Variants in DENND4C observed in about 807,000 individuals in gnomAD.
The protein encoded by DENND4C is DENN domain-containing protein 4C.
A neutral mutation model predicts 203.0 loss-of-function variants in DENND4C; 108 were observed. The observed-to-expected ratio is 0.53, with a 90% CI of 0.46 to 0.62. The LOEUF (loss-of-function observed/expected upper bound fraction) is 0.62. Among genes scored for constraint, DENND4C ranks in the 20% least tolerant of loss-of-function variants. The probability of loss-of-function intolerance (pLI) is 0.00; values close to 1 mark genes in which losing one functional copy is unlikely to be tolerated. For synonymous variants in DENND4C, 871 were observed against 792.4 expected (o/e 1.10, Z -1.67); for missense variants, 2,481 against 2,301.2 (o/e 1.08, Z -1.60).
intron 1 of DENND4C, among the ~76,000 whole-genome samples, chr9:19,275,288 T>C (rs1481787611): frequency 8.7e-6 from 1 of 114,586 alleles, no homozygotes; most frequent in African/African-American, 3.4e-5. Flanking sequence ...TTTTTTTTTT[T>C]TTTCTTTCTC....
intron 2 of DENND4C, among the ~76,000 whole-genome samples, chr9:19,283,675 G>A (rs1423742998): frequency 7.5e-6 from 1 of 132,798 alleles, no homozygotes; most frequent in Non-Finnish European, 1.5e-5. Flanking sequence ...GCAATGACCC[G>A]ATCTTGGCTC....
intron 2 of DENND4C, among the ~76,000 whole-genome samples, chr9:19,276,855 T>C (rs1832988993): frequency 6.6e-6 from 1 of 152,020 alleles, no homozygotes; most frequent in Admixed American, 6.6e-5. Context: ...ATGTAATGAG[T>C]TTTTGTGAAG....
intron 2 of DENND4C, among the ~76,000 whole-genome samples, chr9:19,284,017 A>T (rs1199729745): frequency 6.6e-6 from 1 of 152,206 alleles, no homozygotes; most frequent in Non-Finnish European, 1.5e-5. Context: ...GAGAAATTTC[A>T]AACATGTGAA....
At chr9:19,270,964 A>G (rs904558880) in intron 1 of DENND4C, among the ~76,000 whole-genome samples, 5 of 152,182 alleles carry the variant, frequency 3.3e-5, no homozygotes, top group African/African-American at 2.4e-5. Context: ...AAATAAAATG[A>G]TGCCATTCAC....
chr9:19,256,352 C>T (rs1827956080), intron 1 of DENND4C, among the ~76,000 whole-genome samples: 1 of 129,158 alleles, frequency 7.7e-6, no homozygotes, highest in South Asian at 2.5e-4. Flanking sequence ...TCTTGTTGCC[C>T]AGGCTGGAGT....
chr9:19,334,517 GTTTTTTTTTTTTTTTCT>G (rs1225009853), intron 17 of DENND4C, among the ~76,000 whole-genome samples: 1 of 135,210 alleles, frequency 7.4e-6, no homozygotes, highest in African/African-American at 2.7e-5. Context: ...TTGTTTTTGG[GTTTTTTTTTTTTTTTCT>G]TTTTTTTTTG....
At chr9:19,369,766 C>CAAA (rs151013945) in intron 30 of DENND4C, 71 bp from the exon 31 acceptor site, 181 of 678,662 alleles carry the variant, frequency 2.7e-4, no homozygotes, top group Middle Eastern at 1.2e-3. Flanking sequence ...GATGTTGTCT[C>CAAA]AAAAAAAAAA....
chr9:19,280,823 C>G (rs991907573), intron 2 of DENND4C, among the ~76,000 whole-genome samples: 1 of 151,980 alleles, frequency 6.6e-6, no homozygotes, highest in Non-Finnish European at 1.5e-5. Context: ...TTACTGCAGC[C>G]TCCGCCTTCT....
intron 26 of DENND4C, among the ~76,000 whole-genome samples, chr9:19,353,671 G>T (rs1265096546): frequency 6.6e-6 from 1 of 151,482 alleles, no homozygotes; most frequent in East Asian, 1.9e-4. Context: ...GATGGCTCAT[G>T]CCTGTAATCC....
chr9:19,323,641 A>G (rs923893000), intron 12 of DENND4C, among the ~76,000 whole-genome samples: 10 of 152,150 alleles, frequency 6.6e-5, no homozygotes, highest in Admixed American at 4.6e-4. Context: ...TTGAAACTTT[A>G]ATGAGCAGAA....
intron 14 of DENND4C, 32 bp downstream of exon 14, chr9:19,326,006 T>G (rs1292924641): frequency 6.2e-7 from 1 of 1,608,452 alleles, no homozygotes; most frequent in African/African-American, 1.3e-5. Context: ...AGGGTTGAAA[T>G]TTCAGAATTA....
chr9:19,231,792 G>A (rs1447745494), intron 1 of DENND4C, among the ~76,000 whole-genome samples: 1 of 151,750 alleles, frequency 6.6e-6, no homozygotes, highest in Non-Finnish European at 1.5e-5. Flanking sequence ...GTCAAGCGTT[G>A]TAGCCTGAGA....
At chr9:19,342,132 A>G (rs1821801598) in intron 21 of DENND4C, among the ~76,000 whole-genome samples, 2 of 151,754 alleles carry the variant, frequency 1.3e-5, no homozygotes, top group Admixed American at 6.6e-5. Flanking sequence ...CTCAAAAAAA[A>G]AAAAAAAAAA....
At chr9:19,334,244 T>C (rs1819915904) in intron 17 of DENND4C, among the ~76,000 whole-genome samples, 1 of 151,948 alleles carries the variant, frequency 6.6e-6, no homozygotes, top group Non-Finnish European at 1.5e-5. Flanking sequence ...AGAGATGGAG[T>C]TTCACTGTGT....
intron 9 of DENND4C, among the ~76,000 whole-genome samples, chr9:19,301,662 C>T (rs1374609139): frequency 6.6e-6 from 1 of 152,172 alleles, no homozygotes; most frequent in African/African-American, 2.4e-5. Context: ...CCAGGCCAGG[C>T]ACAGTGTGGC....
chr9:19,334,985 T>C lies in DENND4C; in HGVS notation c.2469T>C (p.Tyr823=), dbSNP rs757687182. ...TDVDPLDEVC[Y]RVVMQLCGLW... ...TTTTTTTTTTTTGTTAGGTGTGCTA[T>C]CGAGTAGTGATGCAGCTTTGTGGAC... The change falls in exon 18 of 33, where the codon TAT becomes TAC. Residue 823 remains tyrosine, a synonymous_variant. Coordinates refer to ENST00000434457, the MANE Select transcript of DENND4C (RefSeq NM_001330640.2). The C allele has an allele frequency of 1.2e-6, 2 of 1,600,066 alleles. No homozygotes were observed. The highest frequency in any genetic ancestry group is 8.5e-7 in the Non-Finnish European group (1 of 1,175,590).
intron 1 of DENND4C, among the ~76,000 whole-genome samples, chr9:19,238,326 C>T (rs1449323150): frequency 1.3e-5 from 2 of 151,854 alleles, no homozygotes; most frequent in Non-Finnish European, 2.9e-5. Context: ...AGGTGATCTG[C>T]CGGCCTTGGC....
rs117830613 is a variant in DENND4C at position 19,232,324 on chromosome 9, T to C, written c.-18+1491T>C. On this transcript the variant is annotated intron_variant, in intron 1 of 32. Coordinates refer to ENST00000434457, the MANE Select transcript of DENND4C (RefSeq NM_001330640.2). ...ACTCAATCCACACTTTCCTCCGCAT[T>C]GGTATCTCCGTTGACCATTTTGCAA... is the stretch of plus-strand genomic sequence containing the variant. Among the ~76,000 whole-genome samples the C allele has an allele frequency of 1.2e-3, 183 of 152,300 alleles. 2 individuals are homozygous for C. In the East Asian group the frequency reaches 0.026, roughly 22 times the overall value.
intron 2 of DENND4C, among the ~76,000 whole-genome samples, chr9:19,282,919 A>G (rs1308505853): frequency 1.3e-4 from 19 of 151,472 alleles, no homozygotes; most frequent in African/African-American, 3.4e-4. Context: ...GGGTTTCACC[A>G]TATTGGCCAG....
Sources: gnomAD v4.1 joint callset for allele counts (sites outside exome capture counted in the v4.1 genomes callset) on GRCh38, gnomAD v4.1.1 for gene constraint, MANE v1.5 for transcripts, NCBI Gene and HGNC (gene_info 2026-07-23, HGNC 2026-07-21) for gene names.